Variants in APPL1 observed in about 807,000 individuals in gnomAD.
APPL1 encodes adaptor protein, phosphotyrosine interacting with PH domain and leucine zipper 1, also known as DCC-interacting protein 13-alpha.
A neutral mutation model predicts 106.8 loss-of-function variants in APPL1; 42 were observed. That is an observed-to-expected ratio of 0.39 (90% CI 0.31 to 0.51). The LOEUF is 0.51. Ranked by LOEUF, APPL1 falls within the 20% of genes least tolerant of loss-of-function variation. The pLI is 0.75. For missense variants in APPL1, 769 were observed against 858.2 expected (o/e 0.90, Z 1.30); for synonymous variants, 263 against 281.8 (o/e 0.93, Z 0.67).
At chr3:57,268,063 A>T (rs1299843171) in intron 20 of APPL1, 1 of 522,712 alleles carries the variant, frequency 1.9e-6, no homozygotes, top group African/African-American at 1.9e-5. Context: ...ACTGCACTCC[A>T]GCCTGGGCAA....
At chr3:57,248,784 C>A (rs1342465331) in intron 10 of APPL1, among the ~76,000 whole-genome samples, 1 of 152,014 alleles carries the variant, frequency 6.6e-6, no homozygotes, top group African/African-American at 2.4e-5. Context: ...ACACGAGAAT[C>A]ACTTGAACAT....
chr3:57,247,161 T>G (rs910620426), intron 8 of APPL1, among the ~76,000 whole-genome samples: 1 of 152,226 alleles, frequency 6.6e-6, no homozygotes, highest in African/African-American at 2.4e-5. Flanking sequence ...ATGTATATAT[T>G]ACTTGTTCCA....
At chr3:57,268,808 A>T (rs1400157067) in intron 21 of APPL1, 1 of 165,184 alleles carries the variant, frequency 6.1e-6, no homozygotes, top group African/African-American at 2.4e-5. Context: ...TTTGCCTTCT[A>T]TGGGGGGGAA....
chr3:57,247,369 A>G (rs763775953), intron 8 of APPL1, 26 bp from the exon 9 acceptor site: 5 of 1,384,046 alleles, frequency 3.6e-6, no homozygotes, highest in Non-Finnish European at 4.1e-6. Context: ...TGTATTGTTC[A>G]ATTCCCCCCA....
At position 57,237,050 on chromosome 3, in the gene APPL1, A is replaced by C. The variant is rs867835991; in HGVS notation, c.154-442A>C. Among the ~76,000 whole-genome samples, 5 of 152,222 alleles carry C rather than the reference A, an allele frequency of 3.3e-5. No homozygotes were observed. In the South Asian group the frequency reaches 8.3e-4, roughly 25 times the overall value. ...TTTGTTATATTCACCAAAAAAACTA[A>C]ATTAAAGTTTTTCATATGGCTGTGT... On this transcript the variant is annotated intron_variant, in intron 2 of 21. Coordinates refer to ENST00000288266, the MANE Select transcript of APPL1 (RefSeq NM_012096.3).
chr3:57,262,617 C>T (rs982168169), intron 19 of APPL1, among the ~76,000 whole-genome samples: 3 of 151,326 alleles, frequency 2.0e-5, no homozygotes, highest in African/African-American at 7.3e-5. Context: ...AACTCCTGAC[C>T]TCAAGTGATC....
rs2060856031 is a variant in APPL1 at position 57,259,868 on chromosome 3, A to G, written c.1507A>G (p.Ile503Val). Residue 503 changes from isoleucine (I) to valine (V), a missense_variant, in exon 17 of 22, where the codon ATT (isoleucine) becomes GTT (valine). Transcript: ENST00000288266. ...TEDSILHQLFIVRFLGSMEVK... is the reference protein window; with the variant it reads ...TEDSILHQLFVVRFLGSMEVK... ...AGATTCTATTCTTCATCAGTTATTTATTGTCCGATTCCTTGGTTCAATGGA... is the reference window on the plus strand; with the variant it reads ...AGATTCTATTCTTCATCAGTTATTTGTTGTCCGATTCCTTGGTTCAATGGA... 6.2e-7 allele frequency: 1 copy of G among 1,603,644 alleles called. No individual in the cohort carries two copies. Among genetic ancestry groups the G allele is most frequent in the South Asian group, 1.1e-5 (1 of 88,688 alleles).
intron 11 of APPL1, among the ~76,000 whole-genome samples, chr3:57,249,759 C>T (rs1186380504): frequency 6.6e-6 from 1 of 151,760 alleles, no homozygotes; most frequent in Non-Finnish European, 1.5e-5. Context: ...AAAGCAATGT[C>T]ATATAGTAAA....
At chr3:57,262,813 GGTGTGTGTGT>G (rs4060605) in intron 19 of APPL1, among the ~76,000 whole-genome samples, 50 of 142,736 alleles carry the variant, frequency 3.5e-4, no homozygotes, top group Non-Finnish European at 4.5e-4. Context: ...GGGTACAAGG[GGTGTGTGTGT>G]GTGTGTGTGT....
At chr3:57,262,469 C>T (rs997654595) in intron 19 of APPL1, among the ~76,000 whole-genome samples, 27 of 107,844 alleles carry the variant, frequency 2.5e-4, no homozygotes, top group Middle Eastern at 6.3e-3. Flanking sequence ...CTTGGCTCAC[C>T]GTAACCTCCA....
chr3:57,246,369 C>T, intron 8 of APPL1, 147 bp downstream of exon 8: 1 of 560,334 alleles, frequency 1.8e-6, no homozygotes, highest in African/African-American at 2.0e-5. Flanking sequence ...AAAATGTCAT[C>T]AGACTATTAT....
Position 57,228,378 on chromosome 3 carries a change from G to A in APPL1, c.54+441G>A, listed in dbSNP as rs551860179. Among the ~76,000 whole-genome samples, 1 of 152,338 alleles carries A rather than the reference G, an allele frequency of 6.6e-6. No homozygotes were observed. Among genetic ancestry groups the A allele is most frequent in the East Asian group, 1.9e-4 (1 of 5,186 alleles). The stretch of plus-strand genomic sequence containing the variant: ...GCTCAGCAAGCTAAGGAAGGAAATG[G>A]ATCGTTTTTCTTTGGGAGAGGCTGT... On this transcript the variant is annotated intron_variant, in intron 1 of 21. Transcript: ENST00000288266. This position sits in a 1 kb window ranked among gnomAD's most constrained non-coding sequence, Gnocchi z 4.6.
intron 6 of APPL1, 40 bp downstream of exon 6, chr3:57,242,182 G>A (rs771413283): frequency 1.0e-5 from 15 of 1,504,772 alleles, no homozygotes; most frequent in Non-Finnish European, 1.3e-5. Context: ...TTGCAGTGAT[G>A]TATTTGTTTA....
At chr3:57,265,146 G>A (rs1282866048) in intron 19 of APPL1, among the ~76,000 whole-genome samples, 1 of 150,934 alleles carries the variant, frequency 6.6e-6, no homozygotes, top group Non-Finnish European at 1.5e-5. Flanking sequence ...ATAGTTTTTT[G>A]TTTTTTTTGT....
intron 7 of APPL1, 70 bp downstream of exon 7, chr3:57,242,984 C>G: frequency 1.9e-6 from 2 of 1,072,432 alleles, no homozygotes; most frequent in Non-Finnish European, 2.8e-6. Context: ...TTTCCTCTAT[C>G]AAAATAGAGC....
At position 57,251,433 on chromosome 3, in the gene APPL1, G is replaced by A. The variant is rs567687242; in HGVS notation, c.1053-836G>A. ...TACCTACTTGGGAGGCTGACACAGG[G>A]AGAATTGCTTGAACCCAGGAGGCAG... On this transcript the variant is annotated intron_variant, in intron 11 of 21. Coordinates refer to ENST00000288266, the MANE Select transcript of APPL1 (RefSeq NM_012096.3). 4.0e-5 allele frequency among the ~76,000 whole-genome samples: 6 copies of A among 150,816 alleles called. No homozygotes were observed. The South Asian group carries it at 1.3e-3, about 32-fold the overall frequency.
chr3:57,244,199 A>T (rs2060760811), intron 7 of APPL1, among the ~76,000 whole-genome samples: 1 of 150,824 alleles, frequency 6.6e-6, no homozygotes, highest in Non-Finnish European at 1.5e-5. Flanking sequence ...TCTGTCTCCC[A>T]GGCAGGAGTG....
intron 19 of APPL1, 66 bp downstream of exon 19, chr3:57,260,840 A>T: frequency 5.1e-6 from 7 of 1,370,366 alleles, no homozygotes; most frequent in Non-Finnish European, 6.8e-6. Flanking sequence ...AAGATTTAAT[A>T]ATAATTAAAT....
At chr3:57,261,751 C>T (rs565789882) in intron 19 of APPL1, among the ~76,000 whole-genome samples, 1 of 152,284 alleles carries the variant, frequency 6.6e-6, no homozygotes, top group African/African-American at 2.4e-5. Context: ...ATCTCCTGAC[C>T]TCGTGATCTG....
Sources: gnomAD v4.1 joint callset for allele counts (sites outside exome capture counted in the v4.1 genomes callset) on GRCh38, gnomAD v4.1.1 for gene constraint, Gnocchi (gnomAD v3.1) non-coding constraint, MANE v1.5 for transcripts, NCBI Gene and HGNC (gene_info 2026-07-23, HGNC 2026-07-21) for gene names.